Variants in TRMT11 observed in about 807,000 individuals in gnomAD.
TRMT11 encodes tRNA (guanine(10)-N(2))-methyltransferase TRMT11.
A neutral mutation model predicts 62.8 loss-of-function variants in TRMT11; 53 were observed. The observed-to-expected ratio is 0.84, with a 90% confidence interval of 0.68 to 1.06. The LOEUF (loss-of-function observed/expected upper bound fraction) is 1.06, where lower values mean the gene tolerates loss of function less well. Among genes scored for constraint, TRMT11 ranks in the 50% least tolerant of loss-of-function variants. The probability of loss-of-function intolerance (pLI) is 0.00; values close to 1 mark genes in which losing one functional copy is unlikely to be tolerated. For synonymous variants in TRMT11, 188 were observed against 190.3 expected, an observed-to-expected ratio of 0.99 and a Z score of 0.10; for missense variants, 556 against 553.4, an observed-to-expected ratio of 1.00 and a Z score of -0.05.
chr6:126,159,277 A>G (rs569153397), intron 21 of TRMT11, among the ~76,000 whole-genome samples: 1 of 152,012 alleles, frequency 6.6e-6, no homozygotes, highest in East Asian at 1.9e-4. Flanking sequence ...TGGTGATGGC[A>G]CTCTGGGCGG....
chr6:126,237,126 C>T, the TRMT11 span, among the ~76,000 whole-genome samples: 1 of 151,930 alleles, frequency 6.6e-6, no homozygotes, highest in African/African-American at 2.4e-5. Context: ...TCAATAAACA[C>T]CTCTCAGAAT....
intron 7 of TRMT11, among the ~76,000 whole-genome samples, chr6:126,004,503 T>C (rs1295869586): frequency 6.6e-6 from 1 of 152,100 alleles, no homozygotes; most frequent in Non-Finnish European, 1.5e-5. Flanking sequence ...AACCAATAAT[T>C]GTGAATAGAC....
rs987517863 is a variant in TRMT11 at position 125,999,472 on chromosome 6, A to G, written c.538A>G (p.Arg180Gly). ...TCTGATTTAGATTGCAGATGGACAG[A>G]GAGAGCTTATTGAGTCATACAGTGT... ...YFGRWIADGQ[R>G]ELIESYSVKK... Residue 180 changes from arginine (R) to glycine (G), a missense_variant, in exon 7 of 13, where the codon AGA becomes GGA. Transcript: ENST00000334379. 1.2e-6 allele frequency: 2 copies of G among 1,604,230 alleles called. No homozygotes were observed. The highest frequency in any genetic ancestry group is 1.7e-5 in the Admixed American group (1 of 58,900).
Position 126,021,186 on chromosome 6 carries a change from A to T in TRMT11, c.1166A>T (p.His389Leu). The stretch of plus-strand genomic sequence containing the variant: ...TACACTGAAGAGATGGTGCCTTGGC[A>T]CCCTTGCCTGGAACTCGTTAGCAAC... ...PEYTEEMVPW[H>L]PCLELVSNCE... Residue 389 changes from histidine (H) to leucine (L), a missense_variant, in exon 12 of 13, where the codon CAC becomes CTC. Transcript: ENST00000334379. 6.2e-7 allele frequency: 1 copy of T among 1,613,948 alleles called. No individual in the cohort carries two copies. Among genetic ancestry groups the T allele is most frequent in the Non-Finnish European group, 8.5e-7 (1 of 1,179,934 alleles).
intron 19 of TRMT11, among the ~76,000 whole-genome samples, chr6:126,115,341 C>T (rs532087115): frequency 6.6e-6 from 1 of 152,088 alleles, no homozygotes. Flanking sequence ...TTTCCCATGT[C>T]CAGGTTGCAG....
At chr6:126,218,026 A>G in the TRMT11 span, among the ~76,000 whole-genome samples, 1 of 152,084 alleles carries the variant, frequency 6.6e-6, no homozygotes, top group African/African-American at 2.4e-5. Flanking sequence ...TCCCCTGGCA[A>G]CCAGTGCCCA....
At chr6:126,098,468 G>A (rs1214584344) in intron 17 of TRMT11, among the ~76,000 whole-genome samples, 2 of 152,124 alleles carry the variant, frequency 1.3e-5, no homozygotes, top group Non-Finnish European at 2.9e-5. Context: ...AAGGAATGGT[G>A]GTTATTTCTG....
At chr6:125,998,847 T>C (rs1792032459) in intron 6 of TRMT11, among the ~76,000 whole-genome samples, 163 bp downstream of exon 6, 1 of 152,218 alleles carries the variant, frequency 6.6e-6, no homozygotes, top group Non-Finnish European at 1.5e-5. Flanking sequence ...GTTTTGTGTT[T>C]TCCCAGAGAT....
chr6:126,222,370 T>C, the TRMT11 span, among the ~76,000 whole-genome samples: 657 of 152,308 alleles, frequency 4.3e-3, 2 homozygotes, highest in Non-Finnish European at 6.8e-3. Context: ...GATAGTTTGA[T>C]AAAAATAGCA....
chr6:126,253,284 A>C, the TRMT11 span, among the ~76,000 whole-genome samples: 1 of 152,038 alleles, frequency 6.6e-6, no homozygotes, highest in Non-Finnish European at 1.5e-5. Flanking sequence ...GGGCAATAAC[A>C]CTCATGGAAC....
chr6:126,030,661 T>G (rs1774031299), intron 12 of TRMT11, among the ~76,000 whole-genome samples: 1 of 152,154 alleles, frequency 6.6e-6, no homozygotes, highest in Non-Finnish European at 1.5e-5. Context: ...CTACTGTCAC[T>G]TTGAGACTAT....
intron 16 of TRMT11, among the ~76,000 whole-genome samples, chr6:126,052,992 G>A (rs895134274): frequency 6.6e-6 from 1 of 152,202 alleles, no homozygotes; most frequent in African/African-American, 2.4e-5. Flanking sequence ...ACCCATTTCT[G>A]CTAGGGGTAA....
chr6:125,999,356 A>G (rs1005767068), intron 6 of TRMT11, 101 bp from the exon 7 acceptor site: 3 of 852,960 alleles, frequency 3.5e-6, no homozygotes, highest in Non-Finnish European at 5.1e-6. Context: ...TAATAAGTGG[A>G]AAGAAGTTCT....
intron 21 of TRMT11, among the ~76,000 whole-genome samples, chr6:126,135,018 T>G (rs1279908622): frequency 6.6e-6 from 1 of 151,630 alleles, no homozygotes; most frequent in East Asian, 1.9e-4. Flanking sequence ...TTTATACCAG[T>G]AAATGCCTAC....
chr6:126,235,632 T>C, the TRMT11 span, among the ~76,000 whole-genome samples: 1 of 152,106 alleles, frequency 6.6e-6, no homozygotes, highest in Non-Finnish European at 1.5e-5. Context: ...TACTCCTTTA[T>C]AAGTGGGTGC....
the TRMT11 span, among the ~76,000 whole-genome samples, chr6:126,248,984 A>C: frequency 6.6e-6 from 1 of 152,150 alleles, no homozygotes; most frequent in Non-Finnish European, 1.5e-5. Flanking sequence ...TTTGTAATCT[A>C]TCCAAGGGAA....
intron 21 of TRMT11, among the ~76,000 whole-genome samples, chr6:126,154,995 G>A (rs1252420132): frequency 6.6e-6 from 1 of 152,194 alleles, no homozygotes; most frequent in African/African-American, 2.4e-5. Context: ...CCTCACTGGT[G>A]TGTGTGAACC....
chr6:125,999,943 T>C (rs897104614), intron 7 of TRMT11, among the ~76,000 whole-genome samples: 1 of 152,174 alleles, frequency 6.6e-6, no homozygotes, highest in Non-Finnish European at 1.5e-5. Context: ...AGGAAAACTC[T>C]TGGTGAAAGA....
chr6:126,222,637 A>C, the TRMT11 span, among the ~76,000 whole-genome samples: 496 of 151,878 alleles, frequency 3.3e-3, 5 homozygotes, highest in African/African-American at 0.011. Flanking sequence ...GGACTTTATT[A>C]GTATATAGAA....
Sources: allele counts gnomAD v4.1 joint callset (sites outside exome capture counted in the v4.1 genomes callset), GRCh38; gene constraint gnomAD v4.1.1; transcripts MANE v1.5; gene names NCBI Gene and HGNC (gene_info 2026-07-23, HGNC 2026-07-21).